Variants in PRKG1 observed in about 807,000 individuals in gnomAD.
PRKG1 encodes the protein protein kinase cGMP-dependent 1.
Under a neutral mutation model 88.1 loss-of-function variants are expected in PRKG1, and 35 were observed. The observed-to-expected ratio is 0.40, with a 90% confidence interval of 0.30 to 0.53. The LOEUF (loss-of-function observed/expected upper bound fraction) is 0.53. Ranked by LOEUF, PRKG1 falls within the 20% of genes least tolerant of loss-of-function variation. The pLI is 0.59. For missense variants in PRKG1, 540 were observed against 839.8 expected (o/e 0.64, Z 4.41); for synonymous variants, 303 against 292.5 (o/e 1.04, Z -0.37).
intron 1 of PRKG1, among the ~76,000 whole-genome samples, chr10:51,077,571 T>C (rs968335945): frequency 2.0e-5 from 3 of 152,234 alleles, no homozygotes. Context: ...TTAAAAATAG[T>C]ATAAAATGTA....
chr10:51,069,788 T>C (rs562378213), upstream of PRKG1, among the ~76,000 whole-genome samples: 43 of 152,220 alleles, frequency 2.8e-4, no homozygotes, highest in Non-Finnish European at 5.6e-4. Flanking sequence ...TTGAATTGAA[T>C]AGGGTGACCA....
At chr10:52,076,656 G>A (rs985091153) in intron 7 of PRKG1, among the ~76,000 whole-genome samples, 10 of 152,168 alleles carry the variant, frequency 6.6e-5, no homozygotes, top group Non-Finnish European at 1.0e-4. Flanking sequence ...CCCACAGACT[G>A]GGAGAAAATA....
At chr10:51,882,603 G>A (rs957538089) in intron 4 of PRKG1, among the ~76,000 whole-genome samples, 1 of 152,168 alleles carries the variant, frequency 6.6e-6, no homozygotes, top group Admixed American at 6.5e-5. Flanking sequence ...ATAGAGGAGG[G>A]AATTTGTATT....
chr10:51,328,408 T>A (rs1841647665), intron 2 of PRKG1, among the ~76,000 whole-genome samples: 2 of 152,208 alleles, frequency 1.3e-5, no homozygotes, highest in African/African-American at 4.8e-5. Context: ...ATTCCATAGC[T>A]TGGCTATTGT....
At chr10:51,752,831 C>T (rs771424383) in intron 3 of PRKG1, among the ~76,000 whole-genome samples, 2 of 151,938 alleles carry the variant, frequency 1.3e-5, no homozygotes, top group Non-Finnish European at 1.5e-5. Context: ...AAAACAGTAC[C>T]CTTAAAATAT....
At chr10:52,004,566 T>C (rs1844682574) in intron 5 of PRKG1, among the ~76,000 whole-genome samples, 1 of 152,160 alleles carries the variant, frequency 6.6e-6, no homozygotes, top group Non-Finnish European at 1.5e-5. Context: ...TTCTTATGTA[T>C]GTTAGGGAGT....
intron 3 of PRKG1, among the ~76,000 whole-genome samples, chr10:51,802,840 G>A (rs1438871858): frequency 6.6e-6 from 1 of 152,126 alleles, no homozygotes; most frequent in Non-Finnish European, 1.5e-5. Flanking sequence ...GACTTAAAAT[G>A]CTGCAGATAG....
chr10:51,700,196 G>A (rs560343960), intron 3 of PRKG1, among the ~76,000 whole-genome samples: 8 of 152,320 alleles, frequency 5.3e-5, no homozygotes, highest in Admixed American at 2.0e-4. Context: ...ACTGAAGCGT[G>A]TGCCGGCTGG....
Position 51,733,713 on chromosome 10 carries a change from G to T in PRKG1, c.593-70872G>T, listed in dbSNP as rs7922491. 2.0e-5 allele frequency among the ~76,000 whole-genome samples: 3 copies of T among 152,012 alleles called. No homozygotes were observed. The East Asian group carries it at 5.8e-4, about 29-fold the overall frequency. On this transcript the variant is annotated intron_variant, in intron 3 of 17. Transcript: ENST00000373980. The stretch of plus-strand genomic sequence containing the variant: ...CTGTAAGCAAATCAATACTGAGCTC[G>T]GCCATAAGTGGATATGATTGCTGGT...
At chr10:51,068,262 A>T (rs569232397) in intron 1 of PRKG1, among the ~76,000 whole-genome samples, 25 of 152,148 alleles carry the variant, frequency 1.6e-4, no homozygotes, top group African/African-American at 6.0e-4. Flanking sequence ...TGATATTTAC[A>T]TGCCCATTAA....
At chr10:52,109,702 G>T (rs1202318196) in intron 7 of PRKG1, among the ~76,000 whole-genome samples, 2 of 151,200 alleles carry the variant, frequency 1.3e-5, no homozygotes, top group Admixed American at 6.6e-5. Flanking sequence ...AGTGATGTCG[G>T]CAGTGAGACG....
At chr10:51,873,637 C>G (rs1841215211) in intron 4 of PRKG1, among the ~76,000 whole-genome samples, 1 of 150,214 alleles carries the variant, frequency 6.7e-6, no homozygotes, top group Admixed American at 6.7e-5. Flanking sequence ...AAGCAATTCT[C>G]TCACCTCAGC....
At chr10:51,446,439 C>T (rs1172406999) in intron 2 of PRKG1, among the ~76,000 whole-genome samples, 1 of 151,884 alleles carries the variant, frequency 6.6e-6, no homozygotes, top group Non-Finnish European at 1.5e-5. Flanking sequence ...TCTTGATTAT[C>T]TCTCTATAGG....
At chr10:51,486,842 G>A (rs1840557232) in intron 3 of PRKG1, among the ~76,000 whole-genome samples, 2 of 152,078 alleles carry the variant, frequency 1.3e-5, no homozygotes, top group Non-Finnish European at 2.9e-5. Context: ...ACCAGTGCTT[G>A]CTATATTGTC....
chr10:51,211,708 C>A lies in PRKG1; in HGVS notation c.478+58378C>A, dbSNP rs1361967348. The stretch of plus-strand genomic sequence containing the variant: ...GAGAGCCAAATCATGAGTGAGCTCC[C>A]ATTCACAATTGCTTCAAAGAGAATA... On this transcript the variant is annotated intron_variant, in intron 2 of 17. Transcript: ENST00000373980. 2.6e-5 allele frequency among the ~76,000 whole-genome samples: 4 copies of A among 152,178 alleles called. No individual in the cohort carries two copies. In the East Asian group the frequency reaches 7.7e-4, roughly 29 times the overall value.
intron 7 of PRKG1, among the ~76,000 whole-genome samples, chr10:52,121,856 T>C (rs1847826273): frequency 6.6e-6 from 1 of 152,188 alleles, no homozygotes; most frequent in Non-Finnish European, 1.5e-5. Flanking sequence ...TAACACTCTG[T>C]TCACAGCAGT....
intron 5 of PRKG1, among the ~76,000 whole-genome samples, chr10:52,048,086 C>T (rs1845906260): frequency 6.6e-6 from 1 of 151,938 alleles, no homozygotes; most frequent in African/African-American, 2.4e-5. Flanking sequence ...GTAGCAATTA[C>T]CATAGTATTG....
chr10:51,136,221 A>G (rs182201520), intron 1 of PRKG1, among the ~76,000 whole-genome samples: 3 of 152,026 alleles, frequency 2.0e-5, no homozygotes, highest in South Asian at 4.2e-4. Flanking sequence ...ATTTTGAGCA[A>G]TTGGGTAGGT....
Position 51,955,679 on chromosome 10 carries a change from T to C in PRKG1, c.762+48109T>C, listed in dbSNP as rs191566680. The stretch of plus-strand genomic sequence containing the variant: ...AAATCGTTAGTCCAATACAATCTTT[T>C]CTGCATTATTCATGTTCTCTTAATG... On this transcript the variant is annotated intron_variant, in intron 5 of 17. Coordinates refer to ENST00000373980, the MANE Select transcript of PRKG1 (RefSeq NM_006258.4). 7.9e-5 allele frequency among the ~76,000 whole-genome samples: 12 copies of C among 152,296 alleles called. No individual in the cohort carries two copies. In the East Asian group the frequency reaches 2.3e-3, roughly 29 times the overall value.
Sources: gnomAD v4.1 joint callset for allele counts (sites outside exome capture counted in the v4.1 genomes callset) on GRCh38, gnomAD v4.1.1 for gene constraint, MANE v1.5 for transcripts, NCBI Gene and HGNC (gene_info 2026-07-23, HGNC 2026-07-21) for gene names.